RPL10: variants seen among roughly 807,000 people sequenced by gnomAD.
RPL10 encodes the protein ribosomal protein L10, also known as large ribosomal subunit protein uL16.
Under a neutral mutation model 15.7 loss-of-function variants are expected in RPL10, and 1 was observed. The observed-to-expected ratio is 0.06, with a 90% CI of 0.02 to 0.30. The LOEUF (loss-of-function observed/expected upper bound fraction) is 0.30. RPL10 is among the 10% of genes least tolerant of loss of function. The probability of loss-of-function intolerance (pLI) is 1.00; values close to 1 mark genes in which losing one functional copy is unlikely to be tolerated. For missense variants in RPL10, 54 were observed against 183.4 expected (o/e 0.29, Z 4.08); for synonymous variants, 59 against 64.0 (o/e 0.92, Z 0.37).
Position 154,402,123 on chromosome X carries a change from C to T in RPL10, c.*1269C>T, listed in dbSNP as rs2068053887. ...GCCTGTACCAACACAGACTACAGCA[C>T]CCAGGAGGTGCGAGTGTGGCTGCTC... On this transcript the variant is annotated 3_prime_UTR_variant, in exon 7 of 7. Coordinates refer to ENST00000369817, the MANE Select transcript of RPL10 (RefSeq NM_006013.5). 8.6e-6 allele frequency: 1 copy of T among 115,782 alleles called. No individual in the cohort carries two copies. The highest frequency in any genetic ancestry group is 2.7e-4 in the East Asian group (1 of 3,639). The allele number at this position is 115,782 out of a possible 1,213,427, so 9.5% of individuals were successfully genotyped here.
chrX:154,400,885 A>G lies in RPL10; in HGVS notation c.*31A>G, dbSNP rs2068016504. On this transcript the variant is annotated 3_prime_UTR_variant, in exon 7 of 7. Coordinates refer to ENST00000369817, the MANE Select transcript of RPL10 (RefSeq NM_006013.5). ...TCCAATGTGCTGCCCCCCTCTTAAT[A>G]CTCACCAATAAATTCTACTTCCTGT... 1 of 1,207,999 alleles carries G rather than the reference A, an allele frequency of 8.3e-7. No individual in the cohort carries two copies. Among genetic ancestry groups the G allele is most frequent in the African/African-American group, 1.8e-5 (1 of 56,872 alleles).
At chrX:154,398,836 C>G (rs1438195908) in intron 2 of RPL10, 2 of 408,445 alleles carry the variant, frequency 4.9e-6, no homozygotes, top group Non-Finnish European at 8.8e-6. Context: ...TGTGCGTTCT[C>G]TGTCTTATTT....
upstream of RPL10, chrX:154,398,260 G>C (rs1557184757): frequency 1.9e-6 from 1 of 513,797 alleles, no homozygotes; most frequent in South Asian, 2.4e-5. Flanking sequence ...CGCCAAGAGC[G>C]GCTGCGTCTA....
intron 5 of RPL10, 184 bp from the exon 6 acceptor site, chrX:154,400,280 T>A (rs782236973): frequency 1.2e-5 from 7 of 597,825 alleles, no homozygotes; most frequent in Non-Finnish European, 2.0e-5. Flanking sequence ...CTTGGGATGC[T>A]CCGCAGCCAA....
chrX:154,400,949 G>A lies in RPL10; in HGVS notation c.*95G>A. ...TGTATCTACATTCTTGACGGGGAAG[G>A]AACTTCCTCTGGGAACCTTTGGGTC... On this transcript the variant is annotated 3_prime_UTR_variant, in exon 7 of 7. Coordinates refer to ENST00000369817, the MANE Select transcript of RPL10 (RefSeq NM_006013.5). The A allele has an allele frequency of 8.4e-7, 1 of 1,191,725 alleles. No individual in the cohort carries two copies. The highest frequency in any genetic ancestry group is 1.1e-6 in the Non-Finnish European group (1 of 884,818).
rs1208513834 is a variant in RPL10 at position 154,401,123 on chromosome X, A to G, written c.*269A>G. The stretch of plus-strand genomic sequence containing the variant: ...CCCCAGGTCCTAGGCAGTAGGTTGA[A>G]AAACACTGAAGTGCTTTTCATGAAG... On this transcript the variant is annotated 3_prime_UTR_variant, in exon 7 of 7. Transcript: ENST00000369817. The G allele has an allele frequency of 4.6e-6, 3 of 651,563 alleles. No homozygotes were observed. The highest frequency in any genetic ancestry group is 6.6e-6 in the Non-Finnish European group (3 of 456,660). The allele number at this position is 651,563 out of a possible 1,213,427, so 53.7% of individuals were successfully genotyped here.
chrX:154,398,951 C>T lies in RPL10; in HGVS notation c.24-387C>T, dbSNP rs781903849. 7.3e-4 allele frequency: 261 copies of T among 358,120 alleles called. 2 individuals carry two copies. The highest frequency in any genetic ancestry group is 5.5e-3 in the South Asian group (148 of 26,893). 29.5% of individuals were successfully genotyped at this position (358,120 alleles called of 1,213,427 possible). On this transcript the variant is annotated intron_variant, in intron 2 of 6. Coordinates refer to ENST00000369817, the MANE Select transcript of RPL10 (RefSeq NM_006013.5). Reference sequence around the variant, plus strand: ...AGGGGGCGCCAGACGCATTTCCACTCGGCTTGGAGGTGGATTTAGTGCCAC... The same window carrying T: ...AGGGGGCGCCAGACGCATTTCCACTTGGCTTGGAGGTGGATTTAGTGCCAC...
chrX:154,400,990 C>A lies in RPL10; in HGVS notation c.*136C>A, dbSNP rs782754427. 1.7e-6 allele frequency: 2 copies of A among 1,165,431 alleles called. No individual in the cohort carries two copies. The highest frequency in any genetic ancestry group is 3.6e-5 in the African/African-American group (2 of 55,425). On this transcript the variant is annotated 3_prime_UTR_variant, in exon 7 of 7. Coordinates refer to ENST00000369817, the MANE Select transcript of RPL10 (RefSeq NM_006013.5). ...CCTTTGGGTCATTGCCCTTTCACTT[C>A]AGAAACAGGTTGACAACTCAGCCCT...
chrX:154,400,906 C>T lies in RPL10; in HGVS notation c.*52C>T, dbSNP rs782787387. ...TAATACTCACCAATAAATTCTACTT[C>T]CTGTCCACCTATGTCTTTGTATCTA... On this transcript the variant is annotated 3_prime_UTR_variant, in exon 7 of 7. Coordinates refer to ENST00000369817, the MANE Select transcript of RPL10 (RefSeq NM_006013.5). The T allele has an allele frequency of 5.0e-6, 6 of 1,209,175 alleles. No homozygotes were observed. Among genetic ancestry groups the T allele is most frequent in the East Asian group, 3.0e-5 (1 of 33,829 alleles).
In RPL10 at chrX:154,400,974, C is replaced by A. The variant is rs782181769; in HGVS notation, c.*120C>A. ...GAACTTCCTCTGGGAACCTTTGGGTCATTGCCCTTTCACTTCAGAAACAGG... is the reference window on the plus strand; with the variant it reads ...GAACTTCCTCTGGGAACCTTTGGGTAATTGCCCTTTCACTTCAGAAACAGG... On this transcript the variant is annotated 3_prime_UTR_variant, in exon 7 of 7. Coordinates refer to ENST00000369817, the MANE Select transcript of RPL10 (RefSeq NM_006013.5). 4.0e-5 allele frequency: 47 copies of A among 1,172,462 alleles called. No homozygotes were observed. The highest frequency in any genetic ancestry group is 5.3e-5 in the Non-Finnish European group (46 of 876,062).
In RPL10 at chrX:154,399,597, A is replaced by G; in HGVS notation, c.190+3A>G. ...ATATGAGCAGCTGTCCTCTGAAGGT[A>G]AGGCAGGATTCTTTGTTCGTCACCC... is the stretch of plus-strand genomic sequence containing the variant. On this transcript the variant is annotated splice_donor_region_variant and intron_variant, in intron 4 of 6. Coordinates refer to ENST00000369817, the MANE Select transcript of RPL10 (RefSeq NM_006013.5). 8.3e-7 allele frequency: 1 copy of G among 1,206,708 alleles called. No homozygotes were observed. Among genetic ancestry groups the G allele is most frequent in the East Asian group, 3.0e-5 (1 of 33,819 alleles).
Position 154,400,806 on chromosome X carries a change from C to T in RPL10, c.597C>T (p.Tyr199=). The T allele has an allele frequency of 8.3e-7, 1 of 1,211,470 alleles. No homozygotes were observed. Among genetic ancestry groups the T allele is most frequent in the East Asian group, 3.0e-5 (1 of 33,868 alleles). Residue 199 remains tyrosine (Y), a synonymous_variant, in exon 7 of 7, where the codon TAC becomes TAT. Coordinates refer to ENST00000369817, the MANE Select transcript of RPL10 (RefSeq NM_006013.5). ...RLIPDGCGVK[Y]IPSRGPLDKW... ...TCCCAGATGGCTGTGGGGTCAAGTA[C>T]ATCCCCAGTCGTGGCCCTCTGGACA...
chrX:154,400,120 C>T (rs1393135558), intron 5 of RPL10, 179 bp downstream of exon 5: 1 of 580,992 alleles, frequency 1.7e-6, no homozygotes. Flanking sequence ...ACAAACAAAG[C>T]ATGAGTAAGT....
intron 3 of RPL10, 32 bp downstream of exon 3, chrX:154,399,428 G>A (rs2067978143): frequency 8.3e-7 from 1 of 1,209,508 alleles, no homozygotes; most frequent in Admixed American, 2.2e-5. Flanking sequence ...GCACTGGTTG[G>A]CTCTGCGGAC....
chrX:154,398,368 G>A (rs782726903), upstream of RPL10: 74 of 702,575 alleles, frequency 1.1e-4, no homozygotes, highest in Non-Finnish European at 1.5e-4. Flanking sequence ...TGCGCAGGCG[G>A]AGGAGCGCCT....
intron 4 of RPL10, 29 bp from the exon 5 acceptor site, chrX:154,399,774 A>G (rs1232042377): frequency 8.3e-7 from 1 of 1,207,888 alleles, no homozygotes; most frequent in Non-Finnish European, 1.1e-6. Context: ...ATCTTCTCTC[A>G]CTTTGCTGCT....
intron 2 of RPL10, among the ~76,000 whole-genome samples, 198 bp from the exon 3 acceptor site, chrX:154,399,140 C>G (rs2067969943): frequency 8.9e-6 from 1 of 112,198 alleles, no homozygotes; most frequent in Admixed American, 9.4e-5. Context: ...TCTGTTGTTT[C>G]TAGTCTTGGG....
chrX:154,400,871 G>T lies in RPL10; in HGVS notation c.*17G>T, dbSNP rs782601404. 54 of 1,209,280 alleles carry T rather than the reference G, an allele frequency of 4.5e-5. No individual in the cohort carries two copies. Among genetic ancestry groups the T allele is most frequent in the Non-Finnish European group, 5.8e-5 (52 of 894,920 alleles). ...CACTCATGAGGGCTTCCAATGTGCT[G>T]CCCCCCTCTTAATACTCACCAATAA... On this transcript the variant is annotated 3_prime_UTR_variant, in exon 7 of 7. Coordinates refer to ENST00000369817, the MANE Select transcript of RPL10 (RefSeq NM_006013.5).
upstream of RPL10, chrX:154,398,166 C>A (rs2067949663): frequency 2.4e-6 from 1 of 416,640 alleles, no homozygotes; most frequent in Admixed American, 3.2e-5. Context: ...TGGCGAAGCC[C>A]CATTCGTCAG....
Sources: gnomAD v4.1 joint callset for allele counts (sites outside exome capture counted in the v4.1 genomes callset) on GRCh38, gnomAD v4.1.1 for gene constraint, MANE v1.5 for transcripts, NCBI Gene and HGNC (gene_info 2026-07-23, HGNC 2026-07-21) for gene names.